Variants in INSR observed in about 807,000 individuals in gnomAD.
INSR encodes insulin receptor, also known as IR.
A neutral mutation model predicts 142.6 loss-of-function variants in INSR; 67 were observed. The ratio of observed to expected loss-of-function variants is 0.47; its 90% CI spans 0.39 to 0.58. The LOEUF (loss-of-function observed/expected upper bound fraction) is 0.58, where lower values mean the gene tolerates loss of function less well. INSR is among the 20% of genes least tolerant of loss of function. The pLI, the probability that INSR is intolerant of heterozygous loss-of-function variation, is 0.00. For synonymous variants in INSR, 756 were observed against 743.1 expected (o/e 1.02, Z -0.28); for missense variants, 1,248 against 1,833.2 (o/e 0.68, Z 5.83).
At chr19:7,238,764 C>G (rs1004250271) in intron 2 of INSR, among the ~76,000 whole-genome samples, 3 of 151,814 alleles carry the variant, frequency 2.0e-5, no homozygotes, top group African/African-American at 7.2e-5. Context: ...CTCCATATTC[C>G]TCACTGGAAA....
intron 8 of INSR, 149 bp from the exon 9 acceptor site, chr19:7,163,348 C>T (rs1973806878): frequency 1.3e-6 from 1 of 755,134 alleles, no homozygotes; most frequent in African/African-American, 1.7e-5. Flanking sequence ...ATCACGAGGT[C>T]AGGAGATCGA....
At chr19:7,152,595 G>T in intron 10 of INSR, 131 bp downstream of exon 10, 1 of 805,322 alleles carries the variant, frequency 1.2e-6, no homozygotes, top group Non-Finnish European at 2.2e-6. Context: ...CCCAGGAAAG[G>T]GCTCCATTCA....
intron 2 of INSR, among the ~76,000 whole-genome samples, chr19:7,212,758 T>A: frequency 6.6e-6 from 1 of 151,994 alleles, no homozygotes; most frequent in South Asian, 2.1e-4. Flanking sequence ...GCTAATTTTT[T>A]GTATTTTTAG....
At position 7,125,128 on chromosome 19, in the gene INSR, A is replaced by C. The variant is rs1198998526; in HGVS notation, c.3258+155T>G. On this transcript the variant is annotated intron_variant, in intron 17 of 21. Coordinates refer to ENST00000302850, the MANE Select transcript of INSR (RefSeq NM_000208.4). The surrounding 1 kb of genome is among the most constrained non-coding windows in gnomAD (Gnocchi z 4.9). ...GAGGATGGGATTTGAGAAGGGAATG[A>C]TCCCTCCTCACACCTCTAGGATGGG... Among the ~76,000 whole-genome samples the C allele has an allele frequency of 6.6e-6, 1 of 152,010 alleles. No homozygotes were observed. Among genetic ancestry groups the C allele is most frequent in the Non-Finnish European group, 1.5e-5 (1 of 67,992 alleles).
intron 2 of INSR, among the ~76,000 whole-genome samples, chr19:7,218,071 CG>C (rs1568493065): frequency 6.6e-6 from 1 of 151,836 alleles, no homozygotes; most frequent in East Asian, 1.9e-4. Context: ...TGCCTTGTGG[CG>C]GGGGAAGAGA....
chr19:7,270,339 TCACACACACACACACACACACACACA>T (rs1178953100), intron 1 of INSR, among the ~76,000 whole-genome samples: 2 of 120,312 alleles, frequency 1.7e-5, no homozygotes, highest in East Asian at 2.1e-4. Flanking sequence ...TCTCTCTCTC[TCACACACACACACACACACACACACA>T]CACACACACA....
intron 2 of INSR, among the ~76,000 whole-genome samples, chr19:7,193,340 C>T (rs1974651448): frequency 6.6e-6 from 1 of 151,822 alleles, no homozygotes; most frequent in African/African-American, 2.4e-5. Context: ...GGTGAGACTC[C>T]GTCTCCACGA....
chr19:7,128,732 T>C (rs1039965040), intron 15 of INSR, 120 bp downstream of exon 15: 1 of 711,738 alleles, frequency 1.4e-6, no homozygotes, highest in East Asian at 2.6e-5. Flanking sequence ...AATTGCATGT[T>C]ACACATCCTA....
At chr19:7,122,049 A>G (rs1972503555) in intron 19 of INSR, among the ~76,000 whole-genome samples, 1 of 152,008 alleles carries the variant, frequency 6.6e-6, no homozygotes, top group Non-Finnish European at 1.5e-5. Flanking sequence ...AGGCTGAGGC[A>G]GGAGAATCGC....
Position 7,125,616 on chromosome 19 carries a change from C to T in INSR, c.3014-89G>A, listed in dbSNP as rs1308037367. On this transcript the variant is annotated intron_variant, in intron 16 of 21. Coordinates refer to ENST00000302850, the MANE Select transcript of INSR (RefSeq NM_000208.4). The surrounding 1 kb of genome is among the most constrained non-coding windows in gnomAD (Gnocchi z 4.9). Reference sequence around the variant, plus strand: ...ACCCAAGCCCTCACCCAAACCCCCTCGAAAACACTCATGAAATGAGTTCTG... The same window carrying T: ...ACCCAAGCCCTCACCCAAACCCCCTTGAAAACACTCATGAAATGAGTTCTG... 36 of 1,549,718 alleles carry T rather than the reference C, an allele frequency of 2.3e-5. No homozygotes were observed. The highest frequency in any genetic ancestry group is 2.7e-5 in the African/African-American group (2 of 73,808).
Position 7,150,466 on chromosome 19 carries a change from A to G in INSR, c.2267+31T>C. The G allele has an allele frequency of 6.8e-6, 11 of 1,610,910 alleles. No individual in the cohort carries two copies. Among genetic ancestry groups the G allele is most frequent in the Non-Finnish European group, 9.3e-6 (11 of 1,177,164 alleles). On this transcript the variant is annotated intron_variant, in intron 11 of 21. Coordinates refer to ENST00000302850, the MANE Select transcript of INSR (RefSeq NM_000208.4). The surrounding 1 kb of genome is among the most constrained non-coding windows in gnomAD (Gnocchi z 4.2). ...GCACGCCGCCGGCCCTGCGCGGAGC[A>G]GGCACCAGGGGTCGCACAGGTGAGT...
At chr19:7,256,752 A>T (rs534162484) in intron 2 of INSR, among the ~76,000 whole-genome samples, 26 of 152,122 alleles carry the variant, frequency 1.7e-4, no homozygotes, top group South Asian at 8.3e-4. Flanking sequence ...AGAAAAAAAA[A>T]TGCCAATCAT....
chr19:7,256,160 G>A (rs538101198), intron 2 of INSR, among the ~76,000 whole-genome samples: 2 of 152,182 alleles, frequency 1.3e-5, no homozygotes, highest in African/African-American at 4.8e-5. Context: ...AATAAGGGCT[G>A]GGCATGGCGG....
intron 2 of INSR, among the ~76,000 whole-genome samples, chr19:7,254,433 G>A (rs538595025): frequency 6.9e-4 from 105 of 152,198 alleles, no homozygotes; most frequent in South Asian, 3.5e-3. Flanking sequence ...CCAGGCTGAG[G>A]CTGGAGGATT....
intron 2 of INSR, among the ~76,000 whole-genome samples, chr19:7,201,278 A>T (rs944108608): frequency 2.6e-5 from 4 of 152,208 alleles, no homozygotes; most frequent in Non-Finnish European, 4.4e-5. Context: ...GTAACACTTG[A>T]ATCAGTAAAT....
In INSR at chr19:7,168,255, G is replaced by C. The variant is rs778104033; in HGVS notation, c.1484-161C>G. 6.6e-6 allele frequency among the ~76,000 whole-genome samples: 1 copy of C among 152,122 alleles called. No individual in the cohort carries two copies. The highest frequency in any genetic ancestry group is 1.5e-5 in the Non-Finnish European group (1 of 68,028). The stretch of plus-strand genomic sequence containing the variant: ...CCATGTGCCTGGCTGAGTATGAATG[G>C]GGGAAGATTCAAAGGTAAGAGCCAG... On this transcript the variant is annotated intron_variant, in intron 6 of 21. Transcript: ENST00000302850. The surrounding 1 kb of genome is among the most constrained non-coding windows in gnomAD (Gnocchi z 4.3).
chr19:7,213,305 T>C (rs985280676), intron 2 of INSR, among the ~76,000 whole-genome samples: 7 of 138,564 alleles, frequency 5.1e-5, no homozygotes, highest in Non-Finnish European at 1.1e-4. Context: ...GATCGCACCA[T>C]TGCACTCCAG....
At chr19:7,129,114 A>G (rs537651171) in intron 14 of INSR, among the ~76,000 whole-genome samples, 160 bp from the exon 15 acceptor site, 1 of 152,244 alleles carries the variant, frequency 6.6e-6, no homozygotes, top group East Asian at 1.9e-4. Context: ...ATTTTCCAGC[A>G]GTCCCGAAAC....
At position 7,139,300 on chromosome 19, in the gene INSR, C is replaced by T. The variant is rs535712712; in HGVS notation, c.2682+2377G>A. Reference sequence around the variant, plus strand: ...CAGTACCTTTGGGGGCAGTTTGTTACGCAGCAAGAACTGACTGAAACAATA... The same window carrying T: ...CAGTACCTTTGGGGGCAGTTTGTTATGCAGCAAGAACTGACTGAAACAATA... On this transcript the variant is annotated intron_variant, in intron 13 of 21. Coordinates refer to ENST00000302850, the MANE Select transcript of INSR (RefSeq NM_000208.4). Among the ~76,000 whole-genome samples the T allele has an allele frequency of 1.1e-4, 16 of 152,310 alleles. No individual in the cohort carries two copies. The South Asian group carries it at 1.5e-3, about 14-fold the overall frequency.
Sources: allele counts gnomAD v4.1 joint callset (sites outside exome capture counted in the v4.1 genomes callset), GRCh38; gene constraint gnomAD v4.1.1; non-coding constraint Gnocchi (gnomAD v3.1); transcripts MANE v1.5; gene names NCBI Gene and HGNC (gene_info 2026-07-23, HGNC 2026-07-21).